The following GABRG3 variants were observed in gnomAD, a reference collection of about 807,000 sequenced individuals.
The protein encoded by GABRG3 is gamma-aminobutyric acid type A receptor subunit gamma3.
Under a neutral mutation model 48.8 loss-of-function variants are expected in GABRG3, and 25 were observed. The ratio of observed to expected loss-of-function variants is 0.51; its 90% confidence interval spans 0.37 to 0.72. GABRG3 has a LOEUF of 0.72. GABRG3 is among the 30% of genes least tolerant of loss of function. The pLI, the probability that GABRG3 is intolerant of heterozygous loss-of-function variation, is 0.00. For missense variants in GABRG3, 394 were observed against 577.9 expected (o/e 0.68, Z 3.26); for synonymous variants, 227 against 217.6 (o/e 1.04, Z -0.38).
chr15:27,037,523 G>A (rs970164758), intron 3 of GABRG3, among the ~76,000 whole-genome samples: 6 of 152,052 alleles, frequency 3.9e-5, no homozygotes, highest in African/African-American at 1.4e-4. Flanking sequence ...TCTTTGTTGT[G>A]CTTATCTGGG....
chr15:27,006,842 T>G (rs1481877311), intron 2 of GABRG3, among the ~76,000 whole-genome samples: 1 of 129,456 alleles, frequency 7.7e-6, no homozygotes, highest in African/African-American at 2.8e-5. Flanking sequence ...TCGTTTGTTT[T>G]TTTTTTCTTT....
chr15:27,487,989 C>A (rs974078204), intron 6 of GABRG3, among the ~76,000 whole-genome samples: 1 of 152,138 alleles, frequency 6.6e-6, no homozygotes, highest in South Asian at 2.1e-4. Flanking sequence ...GAGGGCGAGC[C>A]GTCCTGTAGC....
intron 6 of GABRG3, among the ~76,000 whole-genome samples, chr15:27,496,616 A>T (rs886065591): frequency 2.6e-5 from 4 of 152,190 alleles, no homozygotes; most frequent in Non-Finnish European, 5.9e-5. Context: ...TTTCATATAA[A>T]TATGTAGGTT....
chr15:27,443,878 CTTTT>C (rs1888863998), intron 5 of GABRG3, among the ~76,000 whole-genome samples: 1 of 152,128 alleles, frequency 6.6e-6, no homozygotes, highest in African/African-American at 2.4e-5. Context: ...TTGGGAAATG[CTTTT>C]ACCTCATCTA....
chr15:27,263,526 G>C (rs1209094637), intron 3 of GABRG3, among the ~76,000 whole-genome samples: 2 of 152,186 alleles, frequency 1.3e-5, no homozygotes, highest in Admixed American at 6.5e-5. Context: ...AGATAGGAGC[G>C]TCCGATGCAC....
chr15:27,061,009 G>A (rs1311130861), intron 3 of GABRG3, among the ~76,000 whole-genome samples: 1 of 152,140 alleles, frequency 6.6e-6, no homozygotes, highest in Non-Finnish European at 1.5e-5. Context: ...CAATTTTCCT[G>A]AGTGACACCA....
chr15:27,530,204 C>T (rs1001099201), intron 9 of GABRG3, among the ~76,000 whole-genome samples: 19 of 152,150 alleles, frequency 1.2e-4, no homozygotes, highest in African/African-American at 4.3e-4. Flanking sequence ...TGCTCTGTGC[C>T]CCTTTCCTAA....
At chr15:27,171,808 G>T (rs1169922847) in intron 3 of GABRG3, among the ~76,000 whole-genome samples, 1 of 152,064 alleles carries the variant, frequency 6.6e-6, no homozygotes, top group Non-Finnish European at 1.5e-5. Context: ...GGAGATTTTA[G>T]CTTCCAAGGT....
At chr15:27,259,969 C>T (rs1417154532) in intron 3 of GABRG3, among the ~76,000 whole-genome samples, 4 of 152,120 alleles carry the variant, frequency 2.6e-5, no homozygotes, top group Non-Finnish European at 5.9e-5. Context: ...GAGAATCTTC[C>T]TCAGTGACAC....
chr15:27,478,493 A>G (rs1056229322), intron 5 of GABRG3, among the ~76,000 whole-genome samples: 40 of 152,208 alleles, frequency 2.6e-4, no homozygotes, highest in African/African-American at 8.9e-4. Flanking sequence ...CACTAAAAAG[A>G]CAGAAACTAA....
In GABRG3 at chr15:26,974,209, G is replaced by A. The variant is rs894742150; in HGVS notation, c.53+2621G>A. On this transcript the variant is annotated intron_variant, in intron 1 of 9. Transcript: ENST00000615808. This position sits in a 1 kb window ranked among gnomAD's most constrained non-coding sequence, Gnocchi z 4.3. ...GCCCTGATATGCCTCCCAAAGGGGT[G>A]GAAGAGAACGTTCCTGCTTTCTTTT... Among the ~76,000 whole-genome samples the A allele has an allele frequency of 7.2e-5, 11 of 152,108 alleles. No homozygotes were observed. Among genetic ancestry groups the A allele is most frequent in the Admixed American group, 2.0e-4 (3 of 15,270 alleles).
intron 5 of GABRG3, among the ~76,000 whole-genome samples, chr15:27,431,826 T>C (rs954083142): frequency 6.6e-6 from 1 of 152,244 alleles, no homozygotes; most frequent in Non-Finnish European, 1.5e-5. Flanking sequence ...GATTTTCATA[T>C]ATTAAACCAA....
intron 2 of GABRG3, among the ~76,000 whole-genome samples, chr15:27,022,094 C>T (rs578157022): frequency 2.6e-5 from 4 of 152,258 alleles, no homozygotes; most frequent in Admixed American, 6.5e-5. Flanking sequence ...GCCCTATGAA[C>T]GCATGCTGAG....
At chr15:27,513,137 G>T (rs1366060200) in intron 6 of GABRG3, among the ~76,000 whole-genome samples, 1 of 151,924 alleles carries the variant, frequency 6.6e-6, no homozygotes, top group Non-Finnish European at 1.5e-5. Context: ...GGAAGGAGAA[G>T]AAATAAAATC....
intron 3 of GABRG3, among the ~76,000 whole-genome samples, chr15:27,317,162 C>A (rs993310289): frequency 6.6e-6 from 1 of 152,134 alleles, no homozygotes; most frequent in Admixed American, 6.5e-5. Flanking sequence ...TCAGTCCATG[C>A]CAGCTCACAT....
intron 5 of GABRG3, among the ~76,000 whole-genome samples, chr15:27,370,044 A>C (rs1166139285): frequency 6.6e-6 from 1 of 152,128 alleles, no homozygotes; most frequent in Admixed American, 6.6e-5. Flanking sequence ...TAATCAATTA[A>C]ATTTTCAGTT....
At chr15:27,025,551 G>A (rs1006776935) in intron 2 of GABRG3, among the ~76,000 whole-genome samples, 1 of 152,212 alleles carries the variant, frequency 6.6e-6, no homozygotes, top group African/African-American at 2.4e-5. Flanking sequence ...TGACTTGGCT[G>A]TACTGACAGA....
chr15:27,388,088 AGGG>A (rs1566817591), intron 5 of GABRG3, among the ~76,000 whole-genome samples: 2 of 48,772 alleles, frequency 4.1e-5, no homozygotes, highest in South Asian at 9.2e-4. Flanking sequence ...GAAGGAAAGG[AGGG>A]AGGAAAGGGA....
chr15:27,001,006 A>G (rs80182468), intron 2 of GABRG3, among the ~76,000 whole-genome samples: 10,029 of 152,254 alleles, frequency 0.066, 374 homozygotes, highest in East Asian at 0.18. Flanking sequence ...GGTTACAAGT[A>G]GTCTTCTCAC....
Sources: gnomAD v4.1 joint callset for allele counts (sites outside exome capture counted in the v4.1 genomes callset) on GRCh38, gnomAD v4.1.1 for gene constraint, Gnocchi (gnomAD v3.1) non-coding constraint, MANE v1.5 for transcripts, NCBI Gene and HGNC (gene_info 2026-07-23, HGNC 2026-07-21) for gene names.